The following GRIA3 variants were observed in gnomAD, a reference collection of about 807,000 sequenced individuals.
GRIA3 encodes the protein glutamate receptor 3.
Under a neutral mutation model 63.0 loss-of-function variants are expected in GRIA3, and 3 were observed. The observed-to-expected ratio is 0.05, with a 90% CI of 0.02 to 0.12. The LOEUF is 0.12. Among genes scored for constraint, GRIA3 ranks in the 10% least tolerant of loss-of-function variants. The probability of loss-of-function intolerance (pLI) is 1.00; values close to 1 mark genes in which losing one functional copy is unlikely to be tolerated. For synonymous variants in GRIA3, 274 were observed against 257.9 expected (o/e 1.06, Z -0.60); for missense variants, 347 against 700.9 (o/e 0.50, Z 5.70).
intron 13 of GRIA3, among the ~76,000 whole-genome samples, chrX:123,475,745 A>AT (rs2045883941): frequency 8.9e-6 from 1 of 112,133 alleles, no homozygotes; most frequent in Non-Finnish European, 1.9e-5. Context: ...CAGCTGCAAA[A>AT]TACACCCTTG....
At chrX:123,276,993 G>A (rs908542375) in intron 3 of GRIA3, among the ~76,000 whole-genome samples, 3 of 111,749 alleles carry the variant, frequency 2.7e-5, no homozygotes, top group African/African-American at 9.7e-5. Context: ...ATTGGACAGT[G>A]CAAATAGAGA....
chrX:123,459,269 C>T (rs1247392961), intron 12 of GRIA3, among the ~76,000 whole-genome samples: 1 of 111,597 alleles, frequency 9.0e-6, no homozygotes, highest in East Asian at 2.8e-4. Context: ...TTACTTTGAA[C>T]TTACATAAAG....
chrX:123,345,657 C>T (rs1022377804), intron 4 of GRIA3, among the ~76,000 whole-genome samples: 3 of 110,900 alleles, frequency 2.7e-5, no homozygotes, highest in Non-Finnish European at 3.8e-5. Flanking sequence ...TCAGCATAAA[C>T]GCCCAAACTC....
At chrX:123,306,191 A>T (rs1285791989) in intron 3 of GRIA3, among the ~76,000 whole-genome samples, 1 of 112,017 alleles carries the variant, frequency 8.9e-6, no homozygotes, top group Admixed American at 9.5e-5. Context: ...CTTATTGGCC[A>T]GTTTGATCTT....
At chrX:123,416,258 A>G (rs894118408) in intron 10 of GRIA3, among the ~76,000 whole-genome samples, 6 of 112,208 alleles carry the variant, frequency 5.3e-5, no homozygotes, top group African/African-American at 1.9e-4. Context: ...TCAAAGGAGT[A>G]AAATTTCATT....
intron 3 of GRIA3, among the ~76,000 whole-genome samples, chrX:123,318,090 C>T (rs911132334): frequency 5.3e-5 from 6 of 112,718 alleles, no homozygotes; most frequent in Non-Finnish European, 9.4e-5. Context: ...CTGAGCTCTA[C>T]GTTGGCCCCT....
chrX:123,418,264 C>T (rs1430924551), intron 11 of GRIA3, among the ~76,000 whole-genome samples: 1 of 111,314 alleles, frequency 9.0e-6, no homozygotes, highest in Non-Finnish European at 1.9e-5. Flanking sequence ...TACAACTATC[C>T]ATTATAGTAT....
At chrX:123,453,490 T>C (rs2045745582) in intron 12 of GRIA3, among the ~76,000 whole-genome samples, 1 of 110,608 alleles carries the variant, frequency 9.0e-6, no homozygotes, top group African/African-American at 3.3e-5. Flanking sequence ...TGTATACATA[T>C]GTAACAAACC....
At chrX:123,282,038 A>G (rs1010129261) in intron 3 of GRIA3, among the ~76,000 whole-genome samples, 1 of 111,637 alleles carries the variant, frequency 9.0e-6, no homozygotes, top group African/African-American at 3.3e-5. Context: ...TTGTTAAAAC[A>G]CCAATTACTG....
intron 2 of GRIA3, among the ~76,000 whole-genome samples, chrX:123,245,028 T>C (rs778260280): frequency 8.9e-6 from 1 of 112,242 alleles, no homozygotes; most frequent in South Asian, 3.7e-4. Flanking sequence ...GTTAAGAGAC[T>C]ACTCTCAGTC....
intron 12 of GRIA3, among the ~76,000 whole-genome samples, chrX:123,446,443 A>C (rs773515695): frequency 3.6e-5 from 4 of 111,844 alleles, no homozygotes; most frequent in South Asian, 3.8e-4. Flanking sequence ...AACAGGCAGG[A>C]AATCCACTTT....
intron 3 of GRIA3, among the ~76,000 whole-genome samples, chrX:123,298,941 A>T (rs958969981): frequency 7.2e-5 from 8 of 111,099 alleles, no homozygotes; most frequent in African/African-American, 2.6e-4. Context: ...AATCTTCTGC[A>T]TATGGCTAGT....
rs759269828 is a variant in GRIA3, at chrX:123,377,310, T to A, written c.751-17658T>A. ...TATATTACTTTCTTTGCTGAAGCTT[T>A]CCAGAGGCCGAAGTCTCTTTTGTAA... On this transcript the variant is annotated intron_variant, in intron 5 of 15. Transcript: ENST00000620443. 2.2e-4 allele frequency among the ~76,000 whole-genome samples: 25 copies of A among 111,987 alleles called. No individual in the cohort carries two copies. In the South Asian group the frequency reaches 8.9e-3, roughly 40 times the overall value.
At chrX:123,380,895 A>G (rs1004989901) in intron 5 of GRIA3, among the ~76,000 whole-genome samples, 2 of 111,837 alleles carry the variant, frequency 1.8e-5, no homozygotes, top group Non-Finnish European at 3.8e-5. Context: ...CCATTTATTA[A>G]ATAGGGAATC....
chrX:123,469,051 T>G (rs1030664056), intron 13 of GRIA3, among the ~76,000 whole-genome samples: 1 of 112,682 alleles, frequency 8.9e-6, no homozygotes, highest in African/African-American at 3.2e-5. Context: ...AAAGGCATAT[T>G]TAAGCTGTTC....
At chrX:123,241,874 A>C (rs1042894106) in intron 2 of GRIA3, among the ~76,000 whole-genome samples, 26 of 111,958 alleles carry the variant, frequency 2.3e-4, no homozygotes, top group African/African-American at 8.4e-4. Context: ...GAAAGTTACA[A>C]GGAGGTAGAT....
At chrX:123,296,719 A>G (rs1490586151) in intron 3 of GRIA3, among the ~76,000 whole-genome samples, 1 of 111,489 alleles carries the variant, frequency 9.0e-6, no homozygotes, top group Admixed American at 9.6e-5. Flanking sequence ...TGCAAAGTCC[A>G]CTTAGTTCAC....
chrX:123,220,558 T>C (rs778505166), intron 2 of GRIA3, among the ~76,000 whole-genome samples: 23 of 111,505 alleles, frequency 2.1e-4, no homozygotes, highest in Admixed American at 2.0e-3. Context: ...AAAAGCTCAC[T>C]CTTTCTCCCA....
intron 2 of GRIA3, among the ~76,000 whole-genome samples, chrX:123,195,358 G>A (rs1927547899): frequency 8.9e-6 from 1 of 112,282 alleles, no homozygotes; most frequent in South Asian, 3.7e-4. Flanking sequence ...AATGATAGGT[G>A]GTTCAAAATG....
Sources: allele counts gnomAD v4.1 joint callset (sites outside exome capture counted in the v4.1 genomes callset), GRCh38; gene constraint gnomAD v4.1.1; transcripts MANE v1.5; gene names NCBI Gene and HGNC (gene_info 2026-07-23, HGNC 2026-07-21).